The following SPOCK3 variants were observed in gnomAD, a reference collection of about 807,000 sequenced individuals.
SPOCK3 encodes the protein testican-3.
A neutral mutation model predicts 56.6 loss-of-function variants in SPOCK3; 30 were observed. That is an observed-to-expected ratio of 0.53 (90% CI 0.40 to 0.72). SPOCK3 has a LOEUF of 0.72. Among genes scored for constraint, SPOCK3 ranks in the 30% least tolerant of loss-of-function variants. The pLI, the probability that SPOCK3 is intolerant of heterozygous loss-of-function variation, is 0.00. For missense variants in SPOCK3, 527 were observed against 530.0 expected, an observed-to-expected ratio of 0.99 and a Z score of 0.06; for synonymous variants, 196 against 183.3, an observed-to-expected ratio of 1.07 and a Z score of -0.56.
intron 6 of SPOCK3, among the ~76,000 whole-genome samples, chr4:166,838,259 C>T (rs1746841987): frequency 6.6e-6 from 1 of 152,124 alleles, no homozygotes; most frequent in African/African-American, 2.4e-5. Flanking sequence ...ACTTTTTCAG[C>T]TCCACTTGGT....
intron 2 of SPOCK3, among the ~76,000 whole-genome samples, chr4:167,089,418 G>C (rs1201162425): frequency 6.6e-6 from 1 of 151,756 alleles, no homozygotes; most frequent in East Asian, 1.9e-4. Context: ...TTTTTGCTCT[G>C]TTTTCTAATT....
chr4:166,735,010 TATC>T lies in SPOCK3; in HGVS notation c.1210_1212del (p.Asp404del). ...TCAATTTCATCTTCATCATTCATAA[TATC>T]GTCTTCATCATCCTCATCATCAGTC... is the stretch of plus-strand genomic sequence containing the variant. On this transcript the variant is annotated inframe_deletion, in exon 11 of 11. Transcript: ENST00000357545. The T allele has an allele frequency of 1.3e-6, 2 of 1,561,802 alleles. No homozygotes were observed. The highest frequency in any genetic ancestry group is 1.8e-6 in the Non-Finnish European group (2 of 1,133,014).
At chr4:167,222,142 T>G (rs1339595368) in intron 2 of SPOCK3, among the ~76,000 whole-genome samples, 4 of 152,112 alleles carry the variant, frequency 2.6e-5, no homozygotes, top group African/African-American at 9.7e-5. Flanking sequence ...AAGGAAACCC[T>G]GTCACATGCC....
chr4:166,959,396 C>G (rs193138097), intron 4 of SPOCK3, among the ~76,000 whole-genome samples: 1 of 151,924 alleles, frequency 6.6e-6, no homozygotes, highest in African/African-American at 2.4e-5. Context: ...AGGTGGATCA[C>G]GAGATCAGGA....
chr4:166,925,346 C>T (rs1738965454), intron 4 of SPOCK3, among the ~76,000 whole-genome samples: 1 of 151,962 alleles, frequency 6.6e-6, no homozygotes, highest in South Asian at 2.1e-4. Flanking sequence ...AGTTTTTGAC[C>T]CTGCTCTAAG....
At chr4:166,851,387 T>G (rs1288039239) in intron 6 of SPOCK3, among the ~76,000 whole-genome samples, 1 of 152,092 alleles carries the variant, frequency 6.6e-6, no homozygotes, top group Non-Finnish European at 1.5e-5. Context: ...GCAGAAAAAC[T>G]GGAAACTCTA....
At chr4:166,947,645 A>C (rs28673934) in intron 4 of SPOCK3, among the ~76,000 whole-genome samples, 7,820 of 152,214 alleles carry the variant, frequency 0.051, 656 homozygotes, top group African/African-American at 0.18. Flanking sequence ...AGCACTCATT[A>C]AATTTTTGAT....
At chr4:166,915,785 T>C (rs952542642) in intron 4 of SPOCK3, among the ~76,000 whole-genome samples, 3 of 152,166 alleles carry the variant, frequency 2.0e-5, no homozygotes, top group Non-Finnish European at 4.4e-5. Flanking sequence ...ATTCTGAATA[T>C]TCTAGGTGCA....
intron 8 of SPOCK3, among the ~76,000 whole-genome samples, chr4:166,743,441 T>A (rs960582618): frequency 2.0e-5 from 3 of 151,558 alleles, no homozygotes; most frequent in East Asian, 1.9e-4. Flanking sequence ...TTGCAGAATC[T>A]AAAAAAAAAT....
At chr4:167,217,072 T>C (rs138456275) in intron 2 of SPOCK3, among the ~76,000 whole-genome samples, 1,669 of 152,208 alleles carry the variant, frequency 0.011, 90 homozygotes, top group Admixed American at 0.084. Context: ...CAAAAAACAA[T>C]TTGTTAAACA....
rs568512056 is a variant in SPOCK3, at chr4:167,047,712, T to G, written c.235+14780A>C. 3.9e-5 allele frequency among the ~76,000 whole-genome samples: 6 copies of G among 152,346 alleles called. No homozygotes were observed. In the Middle Eastern group the frequency reaches 0.01, roughly 259 times the overall value. ...TCCACTATCTTTACTATCTATTTTA[T>G]AACAATTGAAACTAAATGAGAAGGC... On this transcript the variant is annotated intron_variant, in intron 3 of 10. Transcript: ENST00000357545.
At position 166,963,322 on chromosome 4, in the gene SPOCK3, GTTTAT is replaced by G. The variant is rs1405750082; in HGVS notation, c.350+37022_350+37026del. Among the ~76,000 whole-genome samples the G allele has an allele frequency of 6.6e-5, 10 of 152,082 alleles. No homozygotes were observed. In the South Asian group the frequency reaches 1.0e-3, roughly 16 times the overall value. The stretch of plus-strand genomic sequence containing the variant: ...AATAGAAATGTGAGTGAGCAATGAT[GTTTAT>G]TTTATTTAATGTAATGTGTTATGTG... On this transcript the variant is annotated intron_variant, in intron 4 of 10. Transcript: ENST00000357545.
intron 4 of SPOCK3, among the ~76,000 whole-genome samples, chr4:166,952,588 A>C (rs939138994): frequency 1.3e-5 from 2 of 152,174 alleles, no homozygotes; most frequent in Non-Finnish European, 2.9e-5. Flanking sequence ...AACTACTTTA[A>C]AGTTCATATG....
At chr4:166,754,312 C>A in intron 8 of SPOCK3, 196 bp downstream of exon 8, 1 of 1,300,564 alleles carries the variant, frequency 7.7e-7, no homozygotes, top group Non-Finnish European at 9.8e-7. Flanking sequence ...TATTTTTCAT[C>A]TTATTTAGCA....
intron 4 of SPOCK3, among the ~76,000 whole-genome samples, chr4:166,923,935 A>G (rs530394399): frequency 4.6e-5 from 7 of 152,148 alleles, no homozygotes; most frequent in Non-Finnish European, 1.0e-4. Flanking sequence ...CCTAAATTTT[A>G]TTAAAGCAGG....
intron 2 of SPOCK3, among the ~76,000 whole-genome samples, chr4:167,145,183 G>C (rs978986635): frequency 2.0e-5 from 3 of 152,008 alleles, no homozygotes; most frequent in African/African-American, 7.2e-5. Flanking sequence ...TGAAGTCAAG[G>C]ATTATTTTGT....
intron 2 of SPOCK3, among the ~76,000 whole-genome samples, chr4:167,077,747 A>C (rs2150282364): frequency 6.6e-6 from 1 of 152,030 alleles, no homozygotes; most frequent in African/African-American, 2.4e-5. Flanking sequence ...AGAAGAAAAT[A>C]TTACTATTGG....
At chr4:166,978,557 A>G (rs1746220981) in intron 4 of SPOCK3, among the ~76,000 whole-genome samples, 1 of 152,194 alleles carries the variant, frequency 6.6e-6, no homozygotes, top group African/African-American at 2.4e-5. Flanking sequence ...AAGGAAATTA[A>G]CATTTATTGT....
At chr4:167,213,335 A>C (rs1333996394) in intron 2 of SPOCK3, among the ~76,000 whole-genome samples, 1 of 152,214 alleles carries the variant, frequency 6.6e-6, no homozygotes, top group Non-Finnish European at 1.5e-5. Context: ...GATAGGTCAC[A>C]GTTTATTCAA....
Sources: gnomAD v4.1 joint callset for allele counts (sites outside exome capture counted in the v4.1 genomes callset) on GRCh38, gnomAD v4.1.1 for gene constraint, MANE v1.5 for transcripts, NCBI Gene and HGNC (gene_info 2026-07-23, HGNC 2026-07-21) for gene names.